The following ZNF578 variants were observed in gnomAD, a reference collection of about 807,000 sequenced individuals.
The protein encoded by ZNF578 is zinc finger protein 578.
In ZNF578, 8 loss-of-function variants were observed where a neutral mutation model predicts 8.3. That is an observed-to-expected ratio of 0.96 (90% CI 0.56 to 1.74). The LOEUF (loss-of-function observed/expected upper bound fraction) is 1.74. ZNF578 is among the 40% of genes most tolerant of loss of function. ZNF578 has a pLI of 0.00. For missense variants in ZNF578, 726 were observed against 707.5 expected (o/e 1.03, Z -0.30); for synonymous variants, 206 against 232.2 (o/e 0.89, Z 1.03).
At chr19:52,508,571 G>T (rs1339291745) in intron 5 of ZNF578, among the ~76,000 whole-genome samples, 1 of 151,900 alleles carries the variant, frequency 6.6e-6, no homozygotes. Context: ...GCCGAGGTGG[G>T]TGGATCACCT....
At chr19:52,503,199 A>T (rs1035145702) in intron 4 of ZNF578, among the ~76,000 whole-genome samples, 1 of 151,990 alleles carries the variant, frequency 6.6e-6, no homozygotes, top group African/African-American at 2.4e-5. Flanking sequence ...CTTATTTTTT[A>T]TATTGTATTT....
Position 52,482,627 on chromosome 19 carries a change from G to C in ZNF578, c.-121-8697G>C, listed in dbSNP as rs142954565. ...CACACCAGCCTGGGCAACAGAGCTA[G>C]ACTGCATTGAAAAAAAAATTTTAAA... On this transcript the variant is annotated intron_variant, in intron 2 of 5. Coordinates refer to ENST00000421239, the MANE Select transcript of ZNF578 (RefSeq NM_001099694.2). 1.1e-3 allele frequency among the ~76,000 whole-genome samples: 160 copies of C among 151,612 alleles called. 2 individuals are homozygous for C. In the East Asian group the frequency reaches 0.014, roughly 13 times the overall value.
intron 3 of ZNF578, among the ~76,000 whole-genome samples, chr19:52,499,211 A>G (rs955519558): frequency 2.6e-5 from 4 of 152,214 alleles, no homozygotes; most frequent in Non-Finnish European, 5.9e-5. Flanking sequence ...GACTGACAAA[A>G]TACAGTGTGT....
At chr19:52,483,452 G>A (rs1568460078) in intron 2 of ZNF578, among the ~76,000 whole-genome samples, 1 of 152,086 alleles carries the variant, frequency 6.6e-6, no homozygotes, top group Non-Finnish European at 1.5e-5. Flanking sequence ...ATAAAAGCAC[G>A]AGTCCTATTC....
chr19:52,489,710 T>C (rs537046329), intron 2 of ZNF578, among the ~76,000 whole-genome samples: 2 of 151,754 alleles, frequency 1.3e-5, no homozygotes, highest in East Asian at 1.9e-4. Flanking sequence ...GCCTGAAGTG[T>C]AGTGGTGCGA....
rs980758086 is a variant in ZNF578 at position 52,515,862 on chromosome 19, G to A, written c.*3708G>A. On this transcript the variant is annotated 3_prime_UTR_variant, in exon 6 of 6. Transcript: ENST00000421239. ...CTCAGACACAGAGACCATCTTCAAGGCCTTTCTCTGTATGAGGACATCACA... is the reference window on the plus strand; with the variant it reads ...CTCAGACACAGAGACCATCTTCAAGACCTTTCTCTGTATGAGGACATCACA... Among the ~76,000 whole-genome samples, 2 of 152,096 alleles carry A rather than the reference G, an allele frequency of 1.3e-5. No homozygotes were observed. The highest frequency in any genetic ancestry group is 1.3e-4 in the Admixed American group (2 of 15,268).
rs1568468792 is a variant in ZNF578, at chr19:52,512,126, C to G, written c.1745C>G (p.Ser582Ter). Reference protein sequence around the residue: ...CGKAHNHLIDSSIKPCMSS With the variant: ...CGKAHNHLID ...AAGGCTCACAATCACTTGATTGATTCATCAATCAAGCCTTGCATGTCATCA... is the reference window on the plus strand; with the variant it reads ...AAGGCTCACAATCACTTGATTGATTGATCAATCAAGCCTTGCATGTCATCA... The change falls in exon 6 of 6, where the codon TCA (serine) becomes TGA (stop). Residue 582 changes from serine (S) to a stop codon, truncating the protein, a stop_gained. Transcript: ENST00000421239. LOFTEE classifies it low-confidence loss of function (END_TRUNC). 1.2e-6 allele frequency: 2 copies of G among 1,613,162 alleles called. No individual in the cohort carries two copies. Among genetic ancestry groups the G allele is most frequent in the African/African-American group, 2.7e-5 (2 of 74,778 alleles).
At chr19:52,482,385 C>T (rs1255298368) in intron 2 of ZNF578, among the ~76,000 whole-genome samples, 2 of 151,492 alleles carry the variant, frequency 1.3e-5, no homozygotes, top group African/African-American at 2.4e-5. Context: ...CGCCAGTAAT[C>T]CTAGCACTTT....
chr19:52,496,267 C>T (rs565407270), intron 3 of ZNF578, among the ~76,000 whole-genome samples: 5 of 152,106 alleles, frequency 3.3e-5, no homozygotes, highest in Admixed American at 6.5e-5. Flanking sequence ...CCACCCTCGT[C>T]GGCCTCCCAA....
At chr19:52,493,897 G>A (rs1480114030) in intron 3 of ZNF578, among the ~76,000 whole-genome samples, 3 of 151,962 alleles carry the variant, frequency 2.0e-5, no homozygotes, top group Admixed American at 6.6e-5. Flanking sequence ...GGCTGAAGCT[G>A]GAGAATCGCT....
Position 52,485,266 on chromosome 19 carries a change from G to A in ZNF578, c.-121-6058G>A, listed in dbSNP as rs182208581. Among the ~76,000 whole-genome samples the A allele has an allele frequency of 6.4e-4, 98 of 152,274 alleles. 1 individual carries two copies. In the South Asian group the frequency reaches 7.0e-3, roughly 11 times the overall value. ...AAGAACAAGGCCCCAAGGGGAGGGCGGAGCCAGAACGTGGGGCTGTGCTGG... is the reference window on the plus strand; with the variant it reads ...AAGAACAAGGCCCCAAGGGGAGGGCAGAGCCAGAACGTGGGGCTGTGCTGG... On this transcript the variant is annotated intron_variant, in intron 2 of 5. Transcript: ENST00000421239.
intron 2 of ZNF578, among the ~76,000 whole-genome samples, chr19:52,480,753 C>A (rs935917565): frequency 4.0e-5 from 6 of 151,630 alleles, no homozygotes; most frequent in African/African-American, 1.5e-4. Flanking sequence ...AAAAATTAGC[C>A]GGGCATGGTG....
Position 52,507,684 on chromosome 19 carries a change from C to T in ZNF578, c.191-2888C>T, listed in dbSNP as rs184124122. On this transcript the variant is annotated intron_variant, in intron 5 of 5. Transcript: ENST00000421239. ...AGCCTTCTTCGTGGTTTAGCCCAGC[C>T]GTCTTCCTGCTGTGTCCTGACATGG... is the stretch of plus-strand genomic sequence containing the variant. Among the ~76,000 whole-genome samples the T allele has an allele frequency of 3.3e-5, 5 of 152,332 alleles. 1 individual carries two copies. Among genetic ancestry groups the T allele is most frequent in the South Asian group, 4.1e-4 (2 of 4,828 alleles).
intron 3 of ZNF578, among the ~76,000 whole-genome samples, chr19:52,494,111 A>G (rs1288601827): frequency 1.3e-5 from 2 of 151,628 alleles, no homozygotes; most frequent in Non-Finnish European, 2.9e-5. Context: ...GCAGAATCCC[A>G]GGGAAAAAGA....
At chr19:52,476,630 G>GT (rs1302096602) in intron 2 of ZNF578, among the ~76,000 whole-genome samples, 11 of 152,226 alleles carry the variant, frequency 7.2e-5, no homozygotes, top group Non-Finnish European at 1.5e-4. Flanking sequence ...ATCCCATGCC[G>GT]TAAGTCTCAG....
intron 5 of ZNF578, among the ~76,000 whole-genome samples, chr19:52,508,095 C>T (rs1382890933): frequency 1.3e-5 from 2 of 151,820 alleles, no homozygotes; most frequent in African/African-American, 4.8e-5. Flanking sequence ...GCCTGTAATC[C>T]CAGCACTTTG....
chr19:52,482,669 C>T (rs1336542728), intron 2 of ZNF578, among the ~76,000 whole-genome samples: 4 of 151,900 alleles, frequency 2.6e-5, no homozygotes, highest in Non-Finnish European at 5.9e-5. Context: ...ACATCAAAGC[C>T]GGGCGTAGTG....
rs116567704 is a variant in ZNF578 at position 52,473,981 on chromosome 19, T to C, written c.-122+17023T>C. ...AAAGATCTTACCACATTCATTACTT[T>C]TGTAAGGTTTCTCTCCAGTATGAGT... On this transcript the variant is annotated intron_variant, in intron 2 of 5. Transcript: ENST00000421239. 370 of 384,806 alleles carry C rather than the reference T, an allele frequency of 9.6e-4. 2 individuals carry two copies. The highest frequency in any genetic ancestry group is 7.2e-3 in the African/African-American group (345 of 47,702). The allele number at this position is 384,806 out of a possible 1,614,324, so 23.8% of individuals were successfully genotyped here. A position where few individuals can be genotyped will look rare whatever the true frequency, so the allele number is the denominator to read the frequency against.
intron 5 of ZNF578, among the ~76,000 whole-genome samples, chr19:52,508,525 C>T (rs1184996700): frequency 6.6e-6 from 1 of 151,832 alleles, no homozygotes; most frequent in African/African-American, 2.4e-5. Flanking sequence ...GGACCGAGCG[C>T]GGTGGCTCTC....
Sources: allele counts gnomAD v4.1 joint callset (sites outside exome capture counted in the v4.1 genomes callset), GRCh38; gene constraint gnomAD v4.1.1; transcripts MANE v1.5; gene names NCBI Gene and HGNC (gene_info 2026-07-23, HGNC 2026-07-21).